Variants in IL5RA observed in about 807,000 individuals in gnomAD.
IL5RA encodes the protein interleukin 5 receptor subunit alpha, also known as interleukin-5 receptor subunit alpha.
Under a neutral mutation model 50.0 loss-of-function variants are expected in IL5RA, and 49 were observed. That is an observed-to-expected ratio of 0.98 (90% CI 0.78 to 1.24). The LOEUF is 1.24. IL5RA is among the 50% of genes most tolerant of loss of function. The probability of loss-of-function intolerance (pLI) is 0.00; values close to 1 mark genes in which losing one functional copy is unlikely to be tolerated. For synonymous variants in IL5RA, 202 were observed against 174.0 expected, an observed-to-expected ratio of 1.16 and a Z score of -1.26; for missense variants, 600 against 500.4, an observed-to-expected ratio of 1.20 and a Z score of -1.90.
intron 7 of IL5RA, among the ~76,000 whole-genome samples, chr3:3,095,760 C>T (rs1703332303): frequency 6.6e-6 from 1 of 152,004 alleles, no homozygotes; most frequent in Non-Finnish European, 1.5e-5. Context: ...CCCTTTACTA[C>T]TCAAGTTGTA....
chr3:3,100,422 T>G (rs1575005864), intron 5 of IL5RA, among the ~76,000 whole-genome samples: 1 of 152,172 alleles, frequency 6.6e-6, no homozygotes, highest in East Asian at 1.9e-4. Flanking sequence ...ATGCATATAT[T>G]AGGTTGATGT....
At chr3:3,098,380 GTA>G in intron 5 of IL5RA, 90 bp from the exon 6 acceptor site, 1 of 1,116,148 alleles carries the variant, frequency 9.0e-7, no homozygotes, top group Non-Finnish European at 1.3e-6. Context: ...TGTGAACGTC[GTA>G]TTCATCACCA....
chr3:3,105,918 G>A (rs1172732014), intron 2 of IL5RA, among the ~76,000 whole-genome samples: 1 of 152,108 alleles, frequency 6.6e-6, no homozygotes, highest in Non-Finnish European at 1.5e-5. Flanking sequence ...TAACTTTCAA[G>A]GGCAAATAAC....
chr3:3,094,714 TTTTTTGTTTTTTTG>T (rs144112109), intron 8 of IL5RA, among the ~76,000 whole-genome samples: 18,314 of 151,998 alleles, frequency 0.12, 1,334 homozygotes, highest in East Asian at 0.21. Context: ...ATTATTTTAG[TTTTTTGTTTTTTTG>T]TTTTTGTTTT....
chr3:3,069,964 T>G lies in IL5RA; in HGVS notation c.*261A>C, dbSNP rs1574970564. The G allele has an allele frequency of 2.9e-6, 1 of 345,250 alleles. No individual in the cohort carries two copies. The highest frequency in any genetic ancestry group is 4.7e-5 in the Admixed American group (1 of 21,084). The allele number at this position is 345,250 out of a possible 1,614,324, so 21.4% of individuals were successfully genotyped here. A position where few individuals can be genotyped will look rare whatever the true frequency, so the allele number is the denominator to read the frequency against. ...TTGCAAAGATTGGCAGGTGAGGAGG[T>G]GCTACCCTGTACGGCATGGGGAGAA... On this transcript the variant is annotated 3_prime_UTR_variant, in exon 12 of 12. Coordinates refer to ENST00000446632, the MANE Select transcript of IL5RA (RefSeq NM_175726.4).
At position 3,070,308 on chromosome 3, in the gene IL5RA, C is replaced by A; in HGVS notation, c.1180G>T (p.Ala394Ser). 2 of 1,608,744 alleles carry A rather than the reference C, an allele frequency of 1.2e-6. No homozygotes were observed. Among genetic ancestry groups the A allele is most frequent in the South Asian group, 1.1e-5 (1 of 90,540 alleles). Reference sequence around the variant, plus strand: ...TCAATTTCCGTCTCACTGGACCCAGCTTTCTGCAAAACAAATCATCTTTCC... The same window carrying A: ...TCAATTTCCGTCTCACTGGACCCAGATTTCTGCAAAACAAATCATCTTTCC... ...DLFVTTNYEKAGSSETEIEVI... is the reference protein window; with the variant it reads ...DLFVTTNYEKSGSSETEIEVI... The change falls in exon 12 of 12, where the codon GCT becomes TCT. Residue 394 changes from alanine to serine, a missense_variant. Transcript: ENST00000446632.
At chr3:3,093,532 A>G (rs1703226121) in intron 8 of IL5RA, among the ~76,000 whole-genome samples, 1 of 152,234 alleles carries the variant, frequency 6.6e-6, no homozygotes, top group African/African-American at 2.4e-5. Flanking sequence ...GGTAGATTAG[A>G]CATTATAAAA....
In IL5RA at chr3:3,097,943, C is replaced by A. The variant is rs773655212; in HGVS notation, c.636G>T (p.Ala212=). The stretch of plus-strand genomic sequence containing the variant: ...GCTTGCTGGAGCCGTTAACAAGCAC[C>A]GCAAGCCAGTCACGCCCTTTGCTGA... The part of the protein sequence containing the change: ...FILSKGRDWL[A]VLVNGSSKHS... Residue 212 remains alanine (A), a synonymous_variant, in exon 7 of 12, where the codon GCG becomes GCT. Transcript: ENST00000446632. 1.9e-6 allele frequency: 3 copies of A among 1,614,144 alleles called. No individual in the cohort carries two copies. In the East Asian group the frequency reaches 6.7e-5, roughly 36 times the overall value.
intron 9 of IL5RA, among the ~76,000 whole-genome samples, chr3:3,087,176 C>T (rs1310462020): frequency 6.6e-6 from 1 of 152,146 alleles, no homozygotes; most frequent in African/African-American, 2.4e-5. Context: ...TGCAATTCAT[C>T]CATGTAACCA....
chr3:3,082,072 CAA>C (rs3840226), intron 9 of IL5RA, among the ~76,000 whole-genome samples: 1 of 151,016 alleles, frequency 6.6e-6, no homozygotes, highest in South Asian at 2.1e-4. Context: ...CTTATTTATG[CAA>C]AAAAAAATGC....
intron 7 of IL5RA, among the ~76,000 whole-genome samples, chr3:3,096,275 T>G (rs928686225): frequency 1.6e-5 from 1 of 62,670 alleles, no homozygotes; most frequent in East Asian, 4.4e-4. Context: ...AAGAAATCTG[T>G]CTCAAAAAAA....
At position 3,090,570 on chromosome 3, in the gene IL5RA, C is replaced by CTTT. The variant is rs35917277; in HGVS notation, c.994+1651_994+1653dup. On this transcript the variant is annotated intron_variant, in intron 9 of 11. Transcript: ENST00000446632. ...TCTTTTTTTTTTTTTTCTTTTCTTT[C>CTTT]TTTTTTTTTTTTTTGAGATGGAGTC... Among the ~76,000 whole-genome samples the CTTT allele has an allele frequency of 1.3e-3, 144 of 113,690 alleles. 4 individuals carry two copies. The highest frequency in any genetic ancestry group is 4.2e-3 in the African/African-American group (128 of 30,384). The allele number at this position is 113,690 out of a possible 152,430, so 74.6% of individuals were successfully genotyped here.
rs1559856794 is a variant in IL5RA, at chr3:3,068,614, A to AAAAGAAAAAAAAAAAAAAAAAAAAAAG, written c.*1610_*1611insCTTTTTTTTTTTTTTTTTTTTTTCTTT. On this transcript the variant is annotated 3_prime_UTR_variant, in exon 12 of 12. Transcript: ENST00000446632. ...AAAAAAAAAAAAAAAAAAAACAAAA[A>AAAAGAAAAAAAAAAAAAAAAAAAAAAG]CAGGTTTGAGATTATGAATCATTTG... 7.4e-6 allele frequency: 1 copy of AAAAGAAAAAAAAAAAAAAAAAAAAAAG among 135,618 alleles called. No homozygotes were observed. The highest frequency in any genetic ancestry group is 2.7e-5 in the African/African-American group (1 of 37,014). 8.4% of individuals were successfully genotyped at this position (135,618 alleles called of 1,614,324 possible).
chr3:3,083,732 A>T (rs143022206), intron 9 of IL5RA, among the ~76,000 whole-genome samples: 103 of 152,308 alleles, frequency 6.8e-4, no homozygotes, highest in Non-Finnish European at 1.1e-3. Context: ...CATCACATAG[A>T]AGTAAGCAAC....
chr3:3,093,092 G>A (rs1703201283), intron 8 of IL5RA, among the ~76,000 whole-genome samples: 1 of 152,084 alleles, frequency 6.6e-6, no homozygotes, highest in Non-Finnish European at 1.5e-5. Context: ...ACTCTTCAGT[G>A]GCATCCATTG....
chr3:3,101,244 C>A (rs1703640847), intron 5 of IL5RA, among the ~76,000 whole-genome samples: 1 of 151,386 alleles, frequency 6.6e-6, no homozygotes, highest in Non-Finnish European at 1.5e-5. Flanking sequence ...TGACACAATT[C>A]AGGAGGTATG....
chr3:3,092,875 C>T lies in IL5RA; in HGVS notation c.856-513G>A, dbSNP rs1003050276. Among the ~76,000 whole-genome samples the T allele has an allele frequency of 1.3e-5, 2 of 152,074 alleles. No homozygotes were observed. Among genetic ancestry groups the T allele is most frequent in the South Asian group, 2.1e-4 (1 of 4,822 alleles). On this transcript the variant is annotated intron_variant, in intron 8 of 11. Coordinates refer to ENST00000446632, the MANE Select transcript of IL5RA (RefSeq NM_175726.4). This position sits in a 1 kb window ranked among gnomAD's most constrained non-coding sequence, Gnocchi z 4.2. Reference sequence around the variant, plus strand: ...CTCCTGACACCTGTATCTTGAATACCCCCGGAGGTGTTTCTCCCTTTTTTA... The same window carrying T: ...CTCCTGACACCTGTATCTTGAATACTCCCGGAGGTGTTTCTCCCTTTTTTA...
intron 9 of IL5RA, among the ~76,000 whole-genome samples, chr3:3,079,481 G>A (rs1048274456): frequency 5.3e-5 from 8 of 152,064 alleles, no homozygotes; most frequent in Admixed American, 1.3e-4. Context: ...TCGTCACTGC[G>A]TACCCAGTGA....
intron 5 of IL5RA, among the ~76,000 whole-genome samples, chr3:3,099,448 G>A (rs2125981536): frequency 6.6e-6 from 1 of 152,098 alleles, no homozygotes; most frequent in Non-Finnish European, 1.5e-5. Context: ...GGGCAACATG[G>A]CAAAACCCCA....
Sources: allele counts gnomAD v4.1 joint callset (sites outside exome capture counted in the v4.1 genomes callset), GRCh38; gene constraint gnomAD v4.1.1; non-coding constraint Gnocchi (gnomAD v3.1); transcripts MANE v1.5; gene names NCBI Gene and HGNC (gene_info 2026-07-23, HGNC 2026-07-21).